The following TEX264 variants were observed in gnomAD, a reference collection of about 807,000 sequenced individuals.
TEX264 encodes testis expressed 264, ER-phagy receptor.
In TEX264, 13 loss-of-function variants were observed where a neutral mutation model predicts 23.4. The observed-to-expected ratio is 0.56, with a 90% CI of 0.36 to 0.88. TEX264 has a LOEUF of 0.88. TEX264 is among the 40% of genes least tolerant of loss of function. The probability of loss-of-function intolerance (pLI) is 0.01; values close to 1 mark genes in which losing one functional copy is unlikely to be tolerated. For synonymous variants in TEX264, 159 were observed against 170.0 expected, an observed-to-expected ratio of 0.94 and a Z score of 0.50; for missense variants, 340 against 406.8, an observed-to-expected ratio of 0.84 and a Z score of 1.41.
chr3:51,688,401 G>A (rs1702702273), intron 3 of TEX264, among the ~76,000 whole-genome samples: 1 of 152,206 alleles, frequency 6.6e-6, no homozygotes, highest in Non-Finnish European at 1.5e-5. Flanking sequence ...GGGATTGTGT[G>A]TGTAAGGTCT....
intron 3 of TEX264, among the ~76,000 whole-genome samples, chr3:51,688,987 C>G (rs1471698536): frequency 3.3e-5 from 5 of 151,992 alleles, no homozygotes; most frequent in Non-Finnish European, 2.9e-5. Context: ...AAAAATTAGC[C>G]AGGCATTTGT....
In TEX264 at chr3:51,679,270, T is replaced by C. The variant is rs572826716; in HGVS notation, c.258+4708T>C. ...TTTTGTGGGGGCTAATTGATAATGA[T>C]ATGGCCCAATACCCAGTTCTTTAAA... On this transcript the variant is annotated intron_variant, in intron 2 of 4. Transcript: ENST00000341333. Among the ~76,000 whole-genome samples, 7 of 152,296 alleles carry C rather than the reference T, an allele frequency of 4.6e-5. No individual in the cohort carries two copies. The South Asian group carries it at 1.5e-3, about 32-fold the overall frequency.
At chr3:51,685,605 G>A (rs1443991254) in intron 3 of TEX264, among the ~76,000 whole-genome samples, 1 of 152,248 alleles carries the variant, frequency 6.6e-6, no homozygotes, top group Non-Finnish European at 1.5e-5. Flanking sequence ...AGAACTTCTA[G>A]TCAGAGCTTT....
intron 2 of TEX264, among the ~76,000 whole-genome samples, chr3:51,681,167 C>G (rs1056025285): frequency 6.6e-6 from 1 of 152,192 alleles, no homozygotes; most frequent in Non-Finnish European, 1.5e-5. Flanking sequence ...CTGTGCCCCA[C>G]ACACCTCCTG....
intron 3 of TEX264, among the ~76,000 whole-genome samples, chr3:51,694,100 CTT>C (rs1459409902): frequency 7.4e-6 from 1 of 134,476 alleles, no homozygotes; most frequent in African/African-American, 2.9e-5. Flanking sequence ...TCCTTCCTTC[CTT>C]CCTTCCTTCC....
Position 51,674,337 on chromosome 3 carries a change from G to A in TEX264, c.33G>A (p.Gly11=), listed in dbSNP as rs1702157145. Residue 11 remains glycine (G), a synonymous_variant, in exon 2 of 5, where the codon GGG becomes GGA. Transcript: ENST00000341333. MSDLLLLGLI[G]GLTLLLLLTL... is the part of the protein sequence containing the mutation. ...ACCTGCTACTACTGGGCCTGATTGGGGGCCTGACTCTCTTACTGCTGCTGA... is the reference window on the plus strand; with the variant it reads ...ACCTGCTACTACTGGGCCTGATTGGAGGCCTGACTCTCTTACTGCTGCTGA... The A allele has an allele frequency of 6.2e-7, 1 of 1,614,206 alleles. No homozygotes were observed. Among genetic ancestry groups the A allele is most frequent in the Non-Finnish European group, 8.5e-7 (1 of 1,180,042 alleles).
intron 2 of TEX264, among the ~76,000 whole-genome samples, chr3:51,676,396 A>G (rs1372321528): frequency 6.6e-6 from 1 of 152,194 alleles, no homozygotes; most frequent in African/African-American, 2.4e-5. Flanking sequence ...AGATGGAAGA[A>G]GCCTGGCATG....
chr3:51,673,612 G>A (rs1702128411), intron 1 of TEX264, among the ~76,000 whole-genome samples: 1 of 152,198 alleles, frequency 6.6e-6, no homozygotes, highest in Non-Finnish European at 1.5e-5. Flanking sequence ...TGCCTGCTCA[G>A]GCCGCTTTGC....
Position 51,686,801 on chromosome 3 carries a change from C to T in TEX264, c.480+2167C>T, listed in dbSNP as rs1695602222. Among the ~76,000 whole-genome samples the T allele has an allele frequency of 6.6e-6, 1 of 152,122 alleles. No individual in the cohort carries two copies. The highest frequency in any genetic ancestry group is 6.5e-5 in the Admixed American group (1 of 15,278). ...GAAGGCCTCTCCAGTCCTGTCGGTG[C>T]CATCCTCAACCTCATGGGCCCATCT... On this transcript the variant is annotated intron_variant, in intron 3 of 4. Transcript: ENST00000341333. This position sits in a 1 kb window ranked among gnomAD's most constrained non-coding sequence, Gnocchi z 4.1.
intron 2 of TEX264, among the ~76,000 whole-genome samples, chr3:51,676,138 A>G (rs1469087274): frequency 2.0e-5 from 3 of 152,300 alleles, no homozygotes; most frequent in East Asian, 3.9e-4. Context: ...CTCCTAGAGC[A>G]GATGTGTGAC....
At chr3:51,693,476 G>GTTT (rs766273698) in intron 3 of TEX264, among the ~76,000 whole-genome samples, 53 of 121,696 alleles carry the variant, frequency 4.4e-4, no homozygotes, top group East Asian at 1.1e-3. Context: ...TTTCCATTAT[G>GTTT]TTTTTTTTTT....
chr3:51,699,357 G>C lies in TEX264; in HGVS notation c.481-49G>C, dbSNP rs202194108. On this transcript the variant is annotated intron_variant, in intron 3 of 4. Transcript: ENST00000341333. ...CTGGGGGTCACCCAGGGACAAGTGA[G>C]TCAGGGGCCCTGTAGGGCTCATTCT... 1,409 of 1,594,368 alleles carry C rather than the reference G, an allele frequency of 8.8e-4. 2 individuals are homozygous for C. Among genetic ancestry groups the C allele is most frequent in the Admixed American group, 2.8e-3 (165 of 59,478 alleles).
At chr3:51,701,025 G>C in intron 4 of TEX264, among the ~76,000 whole-genome samples, 1 of 152,252 alleles carries the variant, frequency 6.6e-6, no homozygotes, top group Non-Finnish European at 1.5e-5. Flanking sequence ...CTTAGGCCGG[G>C]AGGTGAAAGG....
chr3:51,674,484 T>G lies in TEX264; in HGVS notation c.180T>G (p.Thr60=). The G allele has an allele frequency of 6.2e-7, 1 of 1,614,220 alleles. No homozygotes were observed. The highest frequency in any genetic ancestry group is 1.7e-5 in the Admixed American group (1 of 60,034). The part of the protein sequence containing the change: ...YKFHMGLYGE[T]GRLFTESCSI... ...TCCACATGGGGCTCTATGGTGAGAC[T>G]GGGCGGCTTTTCACTGAGAGCTGCA... The change falls in exon 2 of 5, where the codon ACT becomes ACG. Residue 60 remains threonine, a synonymous_variant. Coordinates refer to ENST00000341333, the MANE Select transcript of TEX264 (RefSeq NM_015926.6).
chr3:51,674,697 GCTTGAAGCACCT>G, intron 2 of TEX264, 135 bp downstream of exon 2: 3 of 1,052,574 alleles, frequency 2.9e-6, no homozygotes, highest in Non-Finnish European at 4.0e-6. Flanking sequence ...TCCTCTATGA[GCTTGAAGCACCT>G]TCCAGATTTA....
chr3:51,674,260 C>G lies in TEX264; in HGVS notation c.-34-11C>G. 6.2e-7 allele frequency: 1 copy of G among 1,609,920 alleles called. No homozygotes were observed. Among genetic ancestry groups the G allele is most frequent in the Non-Finnish European group, 8.5e-7 (1 of 1,176,698 alleles). ...GCTACCAGCCTCCTCTCCCTTCTTT[C>G]TCCTTTGCAGCTGCCTTGAGGTGCA... is the stretch of plus-strand genomic sequence containing the variant. On this transcript the variant is annotated splice_polypyrimidine_tract_variant and intron_variant, in intron 1 of 4. Transcript: ENST00000341333.
chr3:51,678,820 C>T (rs1702321528), intron 2 of TEX264, among the ~76,000 whole-genome samples: 1 of 152,126 alleles, frequency 6.6e-6, no homozygotes, highest in Admixed American at 6.5e-5. Flanking sequence ...CCCTGCCCTC[C>T]CTGGAGGCAC....
At chr3:51,701,073 G>A (rs1392674793) in intron 4 of TEX264, among the ~76,000 whole-genome samples, 4 of 152,196 alleles carry the variant, frequency 2.6e-5, no homozygotes. Context: ...TTACATTGAT[G>A]TATTATTTAG....
At chr3:51,678,033 G>T (rs1011514651) in intron 2 of TEX264, among the ~76,000 whole-genome samples, 6 of 152,146 alleles carry the variant, frequency 3.9e-5, no homozygotes, top group African/African-American at 1.4e-4. Flanking sequence ...CAAGGGATGG[G>T]GTATGAGTTC....
Sources: allele counts gnomAD v4.1 joint callset (sites outside exome capture counted in the v4.1 genomes callset), GRCh38; gene constraint gnomAD v4.1.1; non-coding constraint Gnocchi (gnomAD v3.1); transcripts MANE v1.5; gene names NCBI Gene and HGNC (gene_info 2026-07-23, HGNC 2026-07-21).